The following LAMA3 variants were observed in gnomAD, a reference collection of about 807,000 sequenced individuals.
The protein encoded by LAMA3 is laminin subunit alpha-3.
In LAMA3, 281 loss-of-function variants were observed where a neutral mutation model predicts 402.0. The ratio of observed to expected loss-of-function variants is 0.70; its 90% CI spans 0.63 to 0.77. The LOEUF (loss-of-function observed/expected upper bound fraction) is 0.77. LAMA3 is among the 30% of genes least tolerant of loss of function. The pLI is 0.00. For missense variants in LAMA3, 3,840 were observed against 4,215.5 expected, an observed-to-expected ratio of 0.91 and a Z score of 2.47; for synonymous variants, 1,431 against 1,558.4, an observed-to-expected ratio of 0.92 and a Z score of 1.93.
chr18:23,717,314 T>C (rs1350011143), intron 2 of LAMA3, among the ~76,000 whole-genome samples: 5 of 152,070 alleles, frequency 3.3e-5, no homozygotes, highest in Non-Finnish European at 7.4e-5. Flanking sequence ...GGGAGAGAAG[T>C]GGGAATTTTG....
chr18:23,781,294 C>G (rs1162501614), intron 11 of LAMA3: 1 of 456,114 alleles, frequency 2.2e-6, no homozygotes, highest in South Asian at 1.5e-5. Context: ...GATGGACGGA[C>G]AGGGTGGTGC....
intron 42 of LAMA3, among the ~76,000 whole-genome samples, chr18:23,891,146 T>C (rs2080647643): frequency 6.6e-6 from 1 of 152,250 alleles, no homozygotes; most frequent in African/African-American, 2.4e-5. Flanking sequence ...TGTACCCTTC[T>C]TCTTAGGGGA....
At chr18:23,727,491 A>G (rs1191401921) in intron 2 of LAMA3, among the ~76,000 whole-genome samples, 1 of 152,008 alleles carries the variant, frequency 6.6e-6, no homozygotes, top group Non-Finnish European at 1.5e-5. Flanking sequence ...ACACCTGGCT[A>G]ATTTTTGTAT....
chr18:23,885,407 A>G (rs575104142), intron 41 of LAMA3, among the ~76,000 whole-genome samples: 23 of 144,522 alleles, frequency 1.6e-4, no homozygotes, highest in Non-Finnish European at 2.9e-4. Context: ...AGGACAATCT[A>G]TGTCTTGTTT....
chr18:23,832,336 G>A (rs1481080661), intron 23 of LAMA3, among the ~76,000 whole-genome samples: 1 of 152,122 alleles, frequency 6.6e-6, no homozygotes, highest in Non-Finnish European at 1.5e-5. Context: ...CATTGGTATG[G>A]CTGATCCACA....
Position 23,784,107 on chromosome 18 carries a change from C to T in LAMA3, c.1553C>T (p.Pro518Leu). 6.2e-7 allele frequency: 1 copy of T among 1,614,088 alleles called. No individual in the cohort carries two copies. Among genetic ancestry groups the T allele is most frequent in the Non-Finnish European group, 8.5e-7 (1 of 1,180,014 alleles). Residue 518 changes from proline to leucine, a missense_variant, in exon 12 of 75, where the codon CCT (proline) becomes CTT (leucine). Pro to Leu is a moderately conservative substitution (Grantham distance 98, BLOSUM62 -3). Around this residue, in one of 3 missense-constraint regions of LAMA3, gnomAD observed 2,109 missense variants for 2,376.0 expected, o/e 0.89. Coordinates refer to ENST00000313654, the MANE Select transcript of LAMA3 (RefSeq NM_198129.4). ...RCLCRPGVEG[P>L]RCDTCRSGFY... is the part of the protein sequence containing the mutation. ...CTGTGCCGCCCTGGGGTTGAGGGCC[C>T]TCGATGTGATACCTGCCGCTCTGGT...
intron 34 of LAMA3, 24 bp downstream of exon 34, chr18:23,858,853 G>A (rs765444356): frequency 2.5e-6 from 4 of 1,611,980 alleles, no homozygotes; most frequent in Admixed American, 1.7e-5. Flanking sequence ...GAAAGTGCTG[G>A]GGAACATTTT....
Position 23,775,906 on chromosome 18 carries a change from A to T in LAMA3, c.1388A>T (p.Asn463Ile). The T allele has an allele frequency of 6.2e-7, 1 of 1,614,034 alleles. No individual in the cohort carries two copies. The highest frequency in any genetic ancestry group is 8.5e-7 in the Non-Finnish European group (1 of 1,180,008). Residue 463 changes from asparagine to isoleucine, a missense_variant, in exon 10 of 75, where the codon AAT becomes ATT. Physicochemically the swap from Asn to Ile is moderately radical, Grantham distance 149. Transcript: ENST00000313654. ...NCEKCAIGYY[N>I]FPFCLRIPIF... The stretch of plus-strand genomic sequence containing the variant: ...GAGAAGTGTGCAATTGGATACTACA[A>T]TTTCCCATTTTGCTTGAGTAAGTAC...
chr18:23,698,974 G>C (rs959925454), intron 1 of LAMA3, among the ~76,000 whole-genome samples: 3 of 152,036 alleles, frequency 2.0e-5, no homozygotes, highest in Admixed American at 1.3e-4. Context: ...GCCAGGGTGC[G>C]GTGGCTCACG....
At chr18:23,747,638 A>G (rs574603289) in intron 2 of LAMA3, among the ~76,000 whole-genome samples, 17 of 152,344 alleles carry the variant, frequency 1.1e-4, no homozygotes, top group Non-Finnish European at 2.9e-5. Flanking sequence ...TTCTGAATGC[A>G]TAGACTTTAA....
intron 60 of LAMA3, among the ~76,000 whole-genome samples, chr18:23,919,286 C>G (rs772335564): frequency 6.6e-6 from 1 of 152,124 alleles, no homozygotes; most frequent in Non-Finnish European, 1.5e-5. Context: ...GAGAGGCATT[C>G]TTATCATTAA....
chr18:23,724,725 CTATTACTATTAATGGCAAGCATA>C (rs1164940645), intron 2 of LAMA3, among the ~76,000 whole-genome samples: 1 of 152,214 alleles, frequency 6.6e-6, no homozygotes, highest in Non-Finnish European at 1.5e-5. Flanking sequence ...GGCCATTTTC[CTATTACTATTAATGGCAAGCATA>C]TATAAGGAAA....
intron 40 of LAMA3, among the ~76,000 whole-genome samples, chr18:23,883,607 T>G (rs1568295682): frequency 6.6e-6 from 1 of 152,202 alleles, no homozygotes; most frequent in Non-Finnish European, 1.5e-5. Context: ...CTATTTGGAA[T>G]GCTCACCCTG....
In LAMA3 at chr18:23,829,497, C is replaced by T. The variant is rs1457738883; in HGVS notation, c.2823+2030C>T. On this transcript the variant is annotated intron_variant, in intron 23 of 74. Coordinates refer to ENST00000313654, the MANE Select transcript of LAMA3 (RefSeq NM_198129.4). Reference sequence around the variant, plus strand: ...GCCCAGGAGCAGGCATTACAGTGTGCCTTCTCTATTGTTATGACACTGAAG... The same window carrying T: ...GCCCAGGAGCAGGCATTACAGTGTGTCTTCTCTATTGTTATGACACTGAAG... Among the ~76,000 whole-genome samples the T allele has an allele frequency of 7.9e-5, 12 of 152,260 alleles. No individual in the cohort carries two copies. The East Asian group carries it at 2.3e-3, about 29-fold the overall frequency.
intron 38 of LAMA3, among the ~76,000 whole-genome samples, chr18:23,873,464 G>T (rs1437567367): frequency 1.3e-5 from 2 of 152,112 alleles, no homozygotes; most frequent in African/African-American, 4.8e-5. Flanking sequence ...GAATGCTTGC[G>T]GGATGTTAAT....
At chr18:23,780,425 G>A (rs1185517474) in intron 11 of LAMA3, among the ~76,000 whole-genome samples, 1 of 152,098 alleles carries the variant, frequency 6.6e-6, no homozygotes, top group African/African-American at 2.4e-5. Flanking sequence ...AGGTATCTGA[G>A]CTGAGTCTTG....
At chr18:23,835,167 C>T (rs1001613405) in intron 24 of LAMA3, among the ~76,000 whole-genome samples, 6 of 152,162 alleles carry the variant, frequency 3.9e-5, no homozygotes, top group African/African-American at 9.7e-5. Flanking sequence ...GACTGTTAGC[C>T]GCAGGGCCTG....
At chr18:23,881,626 A>T (rs1029367702) in intron 39 of LAMA3, among the ~76,000 whole-genome samples, 1 of 152,230 alleles carries the variant, frequency 6.6e-6, no homozygotes, top group Non-Finnish European at 1.5e-5. Context: ...AATTGATACA[A>T]TTGAAAGGAT....
At chr18:23,734,681 G>A (rs1206577207) in intron 2 of LAMA3, among the ~76,000 whole-genome samples, 1 of 152,182 alleles carries the variant, frequency 6.6e-6, no homozygotes, top group Admixed American at 6.5e-5. Flanking sequence ...GATTCTGACC[G>A]AACTACAATA....
Sources: gnomAD v4.1 joint callset for allele counts (sites outside exome capture counted in the v4.1 genomes callset) on GRCh38, gnomAD v4.1.1 for gene constraint, gnomAD v4.1.1 regional missense constraint, MANE v1.5 for transcripts, NCBI Gene and HGNC (gene_info 2026-07-23, HGNC 2026-07-21) for gene names.